Variants in JAK2 observed in about 807,000 individuals in gnomAD.
JAK2 encodes tyrosine-protein kinase JAK2.
Under a neutral mutation model 139.3 loss-of-function variants are expected in JAK2, and 86 were observed. The ratio of observed to expected loss-of-function variants is 0.62; its 90% CI spans 0.52 to 0.74. JAK2 has a LOEUF of 0.74. JAK2 is among the 30% of genes least tolerant of loss of function. The pLI is 0.00. For missense variants in JAK2, 1,421 were observed against 1,360.3 expected, an observed-to-expected ratio of 1.04 and a Z score of -0.70; for synonymous variants, 490 against 437.7, an observed-to-expected ratio of 1.12 and a Z score of -1.49.
intron 22 of JAK2, among the ~76,000 whole-genome samples, chr9:5,120,417 G>C (rs1230942495): frequency 6.6e-6 from 1 of 152,168 alleles, no homozygotes; most frequent in Non-Finnish European, 1.5e-5. Context: ...TTTTGCCCAT[G>C]ATATCATTTT....
At chr9:5,093,279 C>A (rs1159080471) in intron 22 of JAK2, among the ~76,000 whole-genome samples, 1 of 152,184 alleles carries the variant, frequency 6.6e-6, no homozygotes, top group African/African-American at 2.4e-5. Flanking sequence ...CTTACCCCAC[C>A]TGTTTACCAA....
chr9:5,096,016 G>C (rs1479091584), intron 22 of JAK2, among the ~76,000 whole-genome samples: 1 of 152,046 alleles, frequency 6.6e-6, no homozygotes, highest in African/African-American at 2.4e-5. Context: ...GCCTGAATGA[G>C]TCATCATTCA....
In JAK2 at chr9:5,118,577, A is replaced by G. The variant is rs75441428; in HGVS notation, c.3060-4427A>G. Among the ~76,000 whole-genome samples, 485 of 152,306 alleles carry G rather than the reference A, an allele frequency of 3.2e-3. 1 individual carries two copies. The highest frequency in any genetic ancestry group is 0.011 in the African/African-American group (463 of 41,572). ...AATCCCTCCCCTCCAATTGGTTTGTATATCCTCGGATGAATATTATTTATT... is the reference window on the plus strand; with the variant it reads ...AATCCCTCCCCTCCAATTGGTTTGTGTATCCTCGGATGAATATTATTTATT... On this transcript the variant is annotated intron_variant, in intron 22 of 24. Transcript: ENST00000381652.
At chr9:5,071,644 GA>G (rs1389948363) in intron 12 of JAK2, among the ~76,000 whole-genome samples, 2 of 152,164 alleles carry the variant, frequency 1.3e-5, no homozygotes, top group Non-Finnish European at 2.9e-5. Context: ...TGGATTATAT[GA>G]AAGAGGGATT....
chr9:5,110,907 C>G (rs1167720681), intron 22 of JAK2: 2 of 558,794 alleles, frequency 3.6e-6, no homozygotes, highest in Admixed American at 4.4e-5. Flanking sequence ...GCTCTGGCCC[C>G]AAGAGAATGA....
At chr9:5,049,637 C>T (rs1817275354) in intron 5 of JAK2, among the ~76,000 whole-genome samples, 1 of 152,284 alleles carries the variant, frequency 6.6e-6, no homozygotes. Flanking sequence ...CGCTTCTAAG[C>T]TAAATTTTGG....
chr9:5,092,436 C>G (rs1820657598), intron 22 of JAK2, among the ~76,000 whole-genome samples: 1 of 152,176 alleles, frequency 6.6e-6, no homozygotes, highest in South Asian at 2.1e-4. Flanking sequence ...AAGCATCCAG[C>G]TTACACCCGG....
At chr9:5,083,896 A>G (rs576916707) in intron 19 of JAK2, among the ~76,000 whole-genome samples, 1 of 152,284 alleles carries the variant, frequency 6.6e-6, no homozygotes, top group Non-Finnish European at 1.5e-5. Context: ...ATTTCTTTCA[A>G]TAGTGAAACC....
At chr9:5,080,774 T>C (rs572038711) in intron 18 of JAK2, 91 bp downstream of exon 18, 4 of 1,000,580 alleles carry the variant, frequency 4.0e-6, no homozygotes, top group Non-Finnish European at 5.6e-6. Flanking sequence ...CTTTAAAACA[T>C]TTTCTTGATG....
intron 19 of JAK2, among the ~76,000 whole-genome samples, chr9:5,087,922 CGT>C (rs1295992419): frequency 6.6e-6 from 1 of 151,992 alleles, no homozygotes; most frequent in Non-Finnish European, 1.5e-5. Context: ...TTAGTGCATT[CGT>C]GTGACAATAT....
chr9:5,054,661 A>G lies in JAK2; in HGVS notation c.713A>G (p.Gln238Arg), dbSNP rs1221512954. The G allele has an allele frequency of 1.9e-6, 3 of 1,613,362 alleles. No homozygotes were observed. Among genetic ancestry groups the G allele is most frequent in the Non-Finnish European group, 2.5e-6 (3 of 1,179,412 alleles). The change falls in exon 7 of 25, where the codon CAG (glutamine) becomes CGG (arginine). Residue 238 changes from glutamine to arginine, a missense_variant. Transcript: ENST00000381652. This position sits in a 1 kb window ranked among gnomAD's most constrained non-coding sequence, Gnocchi z 4.9. ...RIRYRFRRFI[Q>R]QFSQCKATAR... is the part of the protein sequence containing the mutation. ...AGGTACAGATTTCGCAGATTTATTC[A>G]GCAATTCAGCCAATGCAAAGCCACT...
intron 19 of JAK2, chr9:5,085,344 A>AT (rs959896769): frequency 2.0e-5 from 18 of 888,406 alleles, no homozygotes; most frequent in Middle Eastern, 2.2e-4. Context: ...CTATTCCTAC[A>AT]TTTTTTCCGT....
chr9:4,999,436 T>C (rs891280180), intron 2 of JAK2, among the ~76,000 whole-genome samples: 1 of 152,192 alleles, frequency 6.6e-6, no homozygotes, highest in African/African-American at 2.4e-5. Flanking sequence ...CATTTAAAAA[T>C]GACATTAGTC....
intron 2 of JAK2, among the ~76,000 whole-genome samples, chr9:4,986,268 G>A (rs1308685619): frequency 1.3e-5 from 2 of 152,184 alleles, no homozygotes; most frequent in African/African-American, 4.8e-5. Flanking sequence ...ACTTTGCAGA[G>A]AAACGAAAAA....
At chr9:5,011,417 T>G (rs1239025920) in intron 2 of JAK2, among the ~76,000 whole-genome samples, 1 of 152,200 alleles carries the variant, frequency 6.6e-6, no homozygotes, top group African/African-American at 2.4e-5. Context: ...CTTGAACTCC[T>G]GGACTCAAGC....
intron 19 of JAK2, chr9:5,085,605 A>T: frequency 1.4e-6 from 1 of 699,020 alleles, no homozygotes; most frequent in Non-Finnish European, 2.7e-6. Context: ...CTACAGAAAG[A>T]ATTAAATCTC....
chr9:5,027,120 A>G (rs145281843), intron 3 of JAK2, among the ~76,000 whole-genome samples: 109 of 152,356 alleles, frequency 7.2e-4, no homozygotes, highest in African/African-American at 2.5e-3. Flanking sequence ...CAACCTTTCT[A>G]TAGAGGACAA....
intron 10 of JAK2, among the ~76,000 whole-genome samples, chr9:5,067,870 G>A (rs1818674306): frequency 6.6e-6 from 1 of 151,968 alleles, no homozygotes; most frequent in Non-Finnish European, 1.5e-5. Flanking sequence ...TTAAGAAAGG[G>A]CAGCCAGGTG....
intron 4 of JAK2, among the ~76,000 whole-genome samples, chr9:5,037,123 C>T (rs1816104738): frequency 6.6e-6 from 1 of 152,150 alleles, no homozygotes; most frequent in East Asian, 1.9e-4. Flanking sequence ...TCACCACTGG[C>T]CATCAGAGAA....
Sources: gnomAD v4.1 joint callset for allele counts (sites outside exome capture counted in the v4.1 genomes callset) on GRCh38, gnomAD v4.1.1 for gene constraint, Gnocchi (gnomAD v3.1) non-coding constraint, MANE v1.5 for transcripts, NCBI Gene and HGNC (gene_info 2026-07-23, HGNC 2026-07-21) for gene names.